PRMT8: variants seen among roughly 807,000 people sequenced by gnomAD.
The protein encoded by PRMT8 is protein arginine N-methyltransferase 8.
Under a neutral mutation model 47.1 loss-of-function variants are expected in PRMT8, and 7 were observed. The ratio of observed to expected loss-of-function variants is 0.15; its 90% CI spans 0.08 to 0.28. PRMT8 has a LOEUF of 0.28. Among genes scored for constraint, PRMT8 ranks in the 10% least tolerant of loss-of-function variants. The pLI, the probability that PRMT8 is intolerant of heterozygous loss-of-function variation, is 1.00. For missense variants in PRMT8, 237 were observed against 505.4 expected (o/e 0.47, Z 5.09); for synonymous variants, 188 against 186.5 (o/e 1.01, Z -0.07).
intron 1 of PRMT8, among the ~76,000 whole-genome samples, chr12:3,520,285 G>A (rs1865860661): frequency 6.6e-6 from 1 of 152,234 alleles, no homozygotes; most frequent in Non-Finnish European, 1.5e-5. Context: ...GGAGAGTGAA[G>A]CCAGGGATGC....
chr12:3,592,146 T>G, intron 8 of PRMT8, 85 bp from the exon 9 acceptor site: 1 of 1,442,002 alleles, frequency 6.9e-7, no homozygotes, highest in Non-Finnish European at 9.1e-7. Context: ...GCCCAGCAAC[T>G]TCTATGCAGG....
chr12:3,505,173 A>G (rs1865600709), intron 1 of PRMT8, among the ~76,000 whole-genome samples: 1 of 151,526 alleles, frequency 6.6e-6, no homozygotes, highest in Non-Finnish European at 1.5e-5. Context: ...TGCGTTGCTC[A>G]CGCTGGGAGC....
At chr12:3,395,104 TTTTC>T (rs981841527) in intron 1 of PRMT8, among the ~76,000 whole-genome samples, 44 of 149,774 alleles carry the variant, frequency 2.9e-4, no homozygotes, top group Non-Finnish European at 5.5e-4. Context: ...TTCTCGCTTT[TTTTC>T]TTTATTAGTC....
intron 8 of PRMT8, among the ~76,000 whole-genome samples, chr12:3,587,552 C>A (rs1650695051): frequency 6.6e-6 from 1 of 152,112 alleles, no homozygotes; most frequent in Non-Finnish European, 1.5e-5. Flanking sequence ...GCTGCCAACA[C>A]CTCTGCATCT....
chr12:3,450,794 T>C (rs1318457982), intron 1 of PRMT8, among the ~76,000 whole-genome samples: 1 of 152,204 alleles, frequency 6.6e-6, no homozygotes, highest in Non-Finnish European at 1.5e-5. Flanking sequence ...AGATTTAATA[T>C]AATTAAAATG....
At chr12:3,545,110 A>G (rs982554221) in intron 2 of PRMT8, among the ~76,000 whole-genome samples, 1 of 152,216 alleles carries the variant, frequency 6.6e-6, no homozygotes, top group African/African-American at 2.4e-5. Flanking sequence ...AACTTACTAC[A>G]TTTGTGTAAT....
intron 2 of PRMT8, among the ~76,000 whole-genome samples, chr12:3,542,121 A>G (rs1050382192): frequency 1.3e-5 from 2 of 152,192 alleles, no homozygotes; most frequent in African/African-American, 4.8e-5. Flanking sequence ...GCAGCCCTAC[A>G]TGGAGGTAGA....
chr12:3,466,319 A>G (rs1865097301), intron 1 of PRMT8, among the ~76,000 whole-genome samples: 1 of 152,074 alleles, frequency 6.6e-6, no homozygotes, highest in South Asian at 2.1e-4. Flanking sequence ...ATGATCCCCA[A>G]GTTTCTCTCC....
chr12:3,466,357 A>G (rs1591558309), intron 1 of PRMT8, among the ~76,000 whole-genome samples: 1 of 152,220 alleles, frequency 6.6e-6, no homozygotes, highest in Admixed American at 6.5e-5. Context: ...GAGGGAGGCA[A>G]CACAATGAGA....
intron 1 of PRMT8, among the ~76,000 whole-genome samples, chr12:3,414,119 A>G (rs1361156617): frequency 6.6e-6 from 1 of 152,270 alleles, no homozygotes; most frequent in African/African-American, 2.4e-5. Context: ...TAAATTTTCT[A>G]TAATAAATAT....
At chr12:3,529,061 G>A (rs141730204) in intron 1 of PRMT8, among the ~76,000 whole-genome samples, 3 of 152,288 alleles carry the variant, frequency 2.0e-5, no homozygotes, top group Middle Eastern at 3.4e-3. Flanking sequence ...GGTTTGATCA[G>A]TCTCAGCTGA....
chr12:3,537,965 G>A (rs1274498996), intron 1 of PRMT8, among the ~76,000 whole-genome samples: 2 of 152,078 alleles, frequency 1.3e-5, no homozygotes, highest in African/African-American at 2.4e-5. Context: ...TGCTTCCCTG[G>A]TTACAAACCG....
chr12:3,489,677 G>A (rs1165202652), upstream of PRMT8, among the ~76,000 whole-genome samples: 1 of 152,094 alleles, frequency 6.6e-6, no homozygotes, highest in Non-Finnish European at 1.5e-5. Flanking sequence ...CTTTCTGCAT[G>A]TTGACAGAAC....
At chr12:3,472,781 G>A (rs1565416425) in intron 1 of PRMT8, among the ~76,000 whole-genome samples, 2 of 152,084 alleles carry the variant, frequency 1.3e-5, no homozygotes, top group African/African-American at 2.4e-5. Context: ...ATGAATGGGA[G>A]GTCCAAAGCT....
In PRMT8 at chr12:3,410,753, C is replaced by T. The variant is rs560710353; in HGVS notation, c.48+29311C>T. 3.3e-5 allele frequency among the ~76,000 whole-genome samples: 5 copies of T among 152,282 alleles called. No individual in the cohort carries two copies. In the East Asian group the frequency reaches 7.7e-4, roughly 24 times the overall value. ...CGAACTCCTGACCTCGTGATCCACC[C>T]GCCTCGGCCTCCCAAAGTGCTGGGG... On this transcript the variant is annotated intron_variant, in intron 1 of 9. Coordinates refer to the PRMT8 transcript ENST00000452611.
intron 1 of PRMT8, among the ~76,000 whole-genome samples, chr12:3,527,272 C>G (rs913491564): frequency 1.3e-5 from 2 of 151,980 alleles, no homozygotes; most frequent in African/African-American, 2.4e-5. Context: ...TAGCACTGAA[C>G]CATATATGTA....
At position 3,493,361 on chromosome 12, in the gene PRMT8, G is replaced by A. The variant is rs1010580723; in HGVS notation, c.75+1661G>A. Among the ~76,000 whole-genome samples the A allele has an allele frequency of 2.6e-5, 4 of 152,188 alleles. No individual in the cohort carries two copies. Among genetic ancestry groups the A allele is most frequent in the African/African-American group, 9.6e-5 (4 of 41,454 alleles). On this transcript the variant is annotated intron_variant, in intron 1 of 9. Transcript: ENST00000382622. This position sits in a 1 kb window ranked among gnomAD's most constrained non-coding sequence, Gnocchi z 8.2. Reference sequence around the variant, plus strand: ...CCCGCCGAAAGGGTTTCTAAAAATAGCCCAGGGCTTCAAGGCCGCGCTTCT... The same window carrying A: ...CCCGCCGAAAGGGTTTCTAAAAATAACCCAGGGCTTCAAGGCCGCGCTTCT...
intron 2 of PRMT8, among the ~76,000 whole-genome samples, chr12:3,544,766 G>C (rs1866299283): frequency 6.6e-6 from 1 of 152,136 alleles, no homozygotes; most frequent in African/African-American, 2.4e-5. Context: ...TTCTTTAGTT[G>C]GGCCTTTGTT....
rs1369696128 is a variant in PRMT8 at position 3,557,504 on chromosome 12, CT to C, written c.481+3792del. ...GCTGCTCAGACCCCTTGGCCTCTGG[CT>C]TGGTGTCCAGCCTTTCTTGGCTCAC... On this transcript the variant is annotated intron_variant, in intron 4 of 9. Coordinates refer to ENST00000382622, the MANE Select transcript of PRMT8 (RefSeq NM_019854.5). This position sits in a 1 kb window ranked among gnomAD's most constrained non-coding sequence, Gnocchi z 4.7. Among the ~76,000 whole-genome samples the C allele has an allele frequency of 1.3e-5, 2 of 152,190 alleles. No individual in the cohort carries two copies. The highest frequency in any genetic ancestry group is 2.9e-5 in the Non-Finnish European group (2 of 68,026).
Sources: gnomAD v4.1 joint callset for allele counts (sites outside exome capture counted in the v4.1 genomes callset) on GRCh38, gnomAD v4.1.1 for gene constraint, Gnocchi (gnomAD v3.1) non-coding constraint, MANE v1.5 for transcripts, NCBI Gene and HGNC (gene_info 2026-07-23, HGNC 2026-07-21) for gene names.